SLCO3A1: variants seen among roughly 807,000 people sequenced by gnomAD.
SLCO3A1 encodes the protein PGE1 transporter.
A neutral mutation model predicts 63.1 loss-of-function variants in SLCO3A1; 27 were observed. The observed-to-expected ratio is 0.43, with a 90% CI of 0.32 to 0.59. SLCO3A1 has a LOEUF of 0.59. Among genes scored for constraint, SLCO3A1 ranks in the 20% least tolerant of loss-of-function variants. The probability of loss-of-function intolerance (pLI) is 0.09; values close to 1 mark genes in which losing one functional copy is unlikely to be tolerated. For missense variants in SLCO3A1, 773 were observed against 945.8 expected (o/e 0.82, Z 2.40); for synonymous variants, 473 against 409.9 (o/e 1.15, Z -1.86).
At chr15:91,922,192 G>GCATGCACACA (rs1555449773) in intron 2 of SLCO3A1, among the ~76,000 whole-genome samples, 6 of 55,292 alleles carry the variant, frequency 1.1e-4, no homozygotes, top group South Asian at 8.6e-4. Context: ...ACACGCGCGT[G>GCATGCACACA]CACGCACACA....
rs1225031248 is a variant in SLCO3A1, at chr15:91,880,154, C to CT, written c.180+26066_180+26067insT. Reference sequence around the variant, plus strand: ...CCGTCCATCCATCCATCCATCCATCCATCCATCCATCCATCCATCTATCTA... The same window carrying CT: ...CCGTCCATCCATCCATCCATCCATCCTATCCATCCATCCATCCATCTATCTA... On this transcript the variant is annotated intron_variant, in intron 1 of 9. Transcript: ENST00000318445. 6.8e-3 allele frequency among the ~76,000 whole-genome samples: 901 copies of CT among 133,078 alleles called. 4 individuals are homozygous for CT. Among genetic ancestry groups the CT allele is most frequent in the Middle Eastern group, 0.015 (4 of 268 alleles). The allele number at this position is 133,078 out of a possible 152,430, so 87.3% of individuals were successfully genotyped here. A position where few individuals can be genotyped will look rare whatever the true frequency, so the allele number is the denominator to read the frequency against.
At position 91,857,040 on chromosome 15, in the gene SLCO3A1, G is replaced by C. The variant is rs1039804358; in HGVS notation, c.180+2952G>C. 2.4e-4 allele frequency among the ~76,000 whole-genome samples: 29 copies of C among 120,898 alleles called. 1 individual carries two copies. Among genetic ancestry groups the C allele is most frequent in the African/African-American group, 1.3e-3 (20 of 15,490 alleles). The allele number at this position is 120,898 out of a possible 152,430, so 79.3% of individuals were successfully genotyped here. ...TGAGAAGGAGGACTCGTGTGTGTGT[G>C]TGTGTGTGTGTGTGTGTGTGTGTGT... On this transcript the variant is annotated intron_variant, in intron 1 of 9. Coordinates refer to ENST00000318445, the MANE Select transcript of SLCO3A1 (RefSeq NM_013272.4).
At chr15:92,088,824 A>T (rs2047436319) in intron 2 of SLCO3A1, among the ~76,000 whole-genome samples, 1 of 152,182 alleles carries the variant, frequency 6.6e-6, no homozygotes, top group Admixed American at 6.5e-5. Flanking sequence ...TTGTGATAAG[A>T]TTGTGCCTAT....
At chr15:92,042,865 G>A (rs931262752) in intron 2 of SLCO3A1, among the ~76,000 whole-genome samples, 1 of 152,140 alleles carries the variant, frequency 6.6e-6, no homozygotes, top group Non-Finnish European at 1.5e-5. Context: ...TCCACCCCTA[G>A]GGTGTCAGGT....
chr15:91,986,646 A>T (rs2046057406), intron 2 of SLCO3A1, among the ~76,000 whole-genome samples: 1 of 151,642 alleles, frequency 6.6e-6, no homozygotes, highest in South Asian at 2.1e-4. Flanking sequence ...CTTCCAGCGC[A>T]CCTCAGTTCA....
chr15:92,051,092 C>A (rs1045719889), intron 2 of SLCO3A1, among the ~76,000 whole-genome samples: 2 of 152,188 alleles, frequency 1.3e-5, no homozygotes, highest in African/African-American at 4.8e-5. Context: ...AGTATTATTA[C>A]CTACAATTTT....
In SLCO3A1 at chr15:92,089,008, A is replaced by ATTAT. The variant is rs1555431409; in HGVS notation, c.647-5842_647-5839dup. Among the ~76,000 whole-genome samples, 608 of 90,566 alleles carry ATTAT rather than the reference A, an allele frequency of 6.7e-3. 7 individuals carry two copies. Among genetic ancestry groups the ATTAT allele is most frequent in the Middle Eastern group, 0.038 (6 of 156 alleles). 59.4% of individuals were successfully genotyped at this position (90,566 alleles called of 152,430 possible). On this transcript the variant is annotated intron_variant, in intron 2 of 9. Coordinates refer to ENST00000318445, the MANE Select transcript of SLCO3A1 (RefSeq NM_013272.4). Reference sequence around the variant, plus strand: ...TTACCCCAGCTTTATTTATTTATTTATTATTTATTTATTTATTTATTTATT... The same window carrying ATTAT: ...TTACCCCAGCTTTATTTATTTATTTATTATTTATTTATTTATTTATTTATTTATT...
chr15:92,047,068 TACAA>T (rs1197923141), intron 2 of SLCO3A1, among the ~76,000 whole-genome samples: 1,611 of 31,258 alleles, frequency 0.052, 477 homozygotes, highest in East Asian at 0.076. Flanking sequence ...TAAATATATA[TACAA>T]ATATATATAA....
chr15:91,937,652 AAGGTTGC>A (rs1213834368), intron 2 of SLCO3A1, among the ~76,000 whole-genome samples: 5 of 151,290 alleles, frequency 3.3e-5, no homozygotes, highest in African/African-American at 4.9e-5. Flanking sequence ...CCAGGAGGCA[AAGGTTGC>A]AGTGAGCCAA....
chr15:92,033,212 G>A lies in SLCO3A1; in HGVS notation c.647-61669G>A, dbSNP rs547152814. Among the ~76,000 whole-genome samples the A allele has an allele frequency of 1.1e-4, 16 of 152,202 alleles. No homozygotes were observed. Among genetic ancestry groups the A allele is most frequent in the Non-Finnish European group, 1.9e-4 (13 of 68,042 alleles). On this transcript the variant is annotated intron_variant, in intron 2 of 9. Transcript: ENST00000318445. This position sits in a 1 kb window ranked among gnomAD's most constrained non-coding sequence, Gnocchi z 4.5. Reference sequence around the variant, plus strand: ...ATGAGGAAACTGAGGCCATGCCTACGTAAATGTATTGATTAGAAAAGAGTC... The same window carrying A: ...ATGAGGAAACTGAGGCCATGCCTACATAAATGTATTGATTAGAAAAGAGTC...
rs536745664 is a variant in SLCO3A1 at position 92,073,834 on chromosome 15, G to A, written c.647-21047G>A. On this transcript the variant is annotated intron_variant, in intron 2 of 9. Coordinates refer to ENST00000318445, the MANE Select transcript of SLCO3A1 (RefSeq NM_013272.4). The stretch of plus-strand genomic sequence containing the variant: ...CAGACATGGCTCAGTGTTCCCTGGC[G>A]GGCAAAGTTGCCACTGGTTAAGAAC... Among the ~76,000 whole-genome samples the A allele has an allele frequency of 2.3e-4, 35 of 152,312 alleles. No individual in the cohort carries two copies. In the South Asian group the frequency reaches 2.5e-3, roughly 11 times the overall value.
At chr15:92,135,998 A>G (rs2048052591) in intron 7 of SLCO3A1, among the ~76,000 whole-genome samples, 2 of 152,168 alleles carry the variant, frequency 1.3e-5, no homozygotes, top group Non-Finnish European at 2.9e-5. Flanking sequence ...TGAGACCCCT[A>G]TCTCTGAAAA....
chr15:91,925,635 A>G (rs1898987106), intron 2 of SLCO3A1, among the ~76,000 whole-genome samples: 1 of 152,172 alleles, frequency 6.6e-6, no homozygotes, highest in African/African-American at 2.4e-5. Context: ...TGGGCCAATC[A>G]GAGTCCACTG....
chr15:91,879,270 G>A (rs1419421656), intron 1 of SLCO3A1, among the ~76,000 whole-genome samples: 1 of 150,644 alleles, frequency 6.6e-6, no homozygotes, highest in Non-Finnish European at 1.5e-5. Flanking sequence ...CTTACACTGT[G>A]ATATGCTTGG....
rs997155584 is a variant in SLCO3A1, at chr15:92,100,559, G to A, written c.746-3720G>A. ...CAGCCCTTGCCAGAAGGCTGAAACT[G>A]CAGCCATTTTTTTTAAAGTTAAGAC... On this transcript the variant is annotated intron_variant, in intron 3 of 9. Transcript: ENST00000318445. Among the ~76,000 whole-genome samples the A allele has an allele frequency of 2.6e-5, 4 of 152,178 alleles. No individual in the cohort carries two copies. The East Asian group carries it at 5.8e-4, about 22-fold the overall frequency.
intron 1 of SLCO3A1, among the ~76,000 whole-genome samples, chr15:91,868,452 A>G (rs1314681408): frequency 7.0e-6 from 1 of 143,256 alleles, no homozygotes; most frequent in Non-Finnish European, 1.6e-5. Flanking sequence ...ACAAATAAAC[A>G]TAGATAACAT....
At chr15:92,098,741 G>A (rs1444343137) in intron 3 of SLCO3A1, among the ~76,000 whole-genome samples, 1 of 152,008 alleles carries the variant, frequency 6.6e-6, no homozygotes, top group Admixed American at 6.5e-5. Context: ...TCAAGCACTG[G>A]AATCAGACTC....
At chr15:92,044,095 A>T (rs888362194) in intron 2 of SLCO3A1, among the ~76,000 whole-genome samples, 1 of 152,042 alleles carries the variant, frequency 6.6e-6, no homozygotes, top group Non-Finnish European at 1.5e-5. Context: ...AGACCATTAT[A>T]CGAATTCTTA....
chr15:92,061,402 CA>C (rs1178000188), intron 2 of SLCO3A1, among the ~76,000 whole-genome samples: 3 of 152,210 alleles, frequency 2.0e-5, no homozygotes, highest in Non-Finnish European at 4.4e-5. Context: ...AAGAGATGCA[CA>C]GCAGAAGAGA....
Sources: allele counts gnomAD v4.1 joint callset (sites outside exome capture counted in the v4.1 genomes callset), GRCh38; gene constraint gnomAD v4.1.1; non-coding constraint Gnocchi (gnomAD v3.1); transcripts MANE v1.5; gene names NCBI Gene and HGNC (gene_info 2026-07-23, HGNC 2026-07-21).